LDLRAD4: variants seen among roughly 807,000 people sequenced by gnomAD.
LDLRAD4 encodes low-density lipoprotein receptor class A domain-containing protein 4.
A neutral mutation model predicts 17.0 loss-of-function variants in LDLRAD4; 5 were observed. The observed-to-expected ratio is 0.29, with a 90% CI of 0.15 to 0.62. The LOEUF is 0.62. Ranked by LOEUF, LDLRAD4 falls within the 20% of genes least tolerant of loss-of-function variation. The pLI is 0.84. For missense variants in LDLRAD4, 340 were observed against 424.7 expected (o/e 0.80, Z 1.75); for synonymous variants, 168 against 171.8 (o/e 0.98, Z 0.17).
rs143189280 is a variant in LDLRAD4, at chr18:13,439,254, A to G, written c.181+870A>G. ...GTTATGGAAATTAGACTACATAAAT[A>G]CCAGTGCTGCAAATGTGAAAATGGG... is the stretch of plus-strand genomic sequence containing the variant. On this transcript the variant is annotated intron_variant, in intron 3 of 5. Coordinates refer to ENST00000359446, the Ensembl canonical transcript of LDLRAD4. Among the ~76,000 whole-genome samples, 56 of 152,360 alleles carry G rather than the reference A, an allele frequency of 3.7e-4. No homozygotes were observed. In the East Asian group the frequency reaches 9.4e-3, roughly 26 times the overall value.
intron 3 of LDLRAD4, among the ~76,000 whole-genome samples, chr18:13,617,255 C>T (rs1295100148): frequency 6.6e-6 from 1 of 152,168 alleles, no homozygotes; most frequent in East Asian, 1.9e-4. Flanking sequence ...GAGAGTAATT[C>T]CATGCACTGT....
At chr18:13,539,993 C>A (rs1285519572) in intron 3 of LDLRAD4, among the ~76,000 whole-genome samples, 1 of 152,154 alleles carries the variant, frequency 6.6e-6, no homozygotes, top group Non-Finnish European at 1.5e-5. Flanking sequence ...GTCCTGTAGG[C>A]CCTGACACCC....
intron 3 of LDLRAD4, among the ~76,000 whole-genome samples, chr18:13,494,457 A>G (rs2093418821): frequency 6.6e-6 from 1 of 151,558 alleles, no homozygotes; most frequent in Admixed American, 6.6e-5. Context: ...TCTGAGTTTC[A>G]TAAAACAAGT....
intron 3 of LDLRAD4, among the ~76,000 whole-genome samples, chr18:13,529,252 G>C (rs1021618948): frequency 6.6e-6 from 1 of 152,202 alleles, no homozygotes; most frequent in African/African-American, 2.4e-5. Flanking sequence ...GTACCATAGT[G>C]GTGACCTTTC....
At chr18:13,416,890 T>C (rs71353266) in intron 2 of LDLRAD4, among the ~76,000 whole-genome samples, 1 of 152,242 alleles carries the variant, frequency 6.6e-6, no homozygotes, top group Non-Finnish European at 1.5e-5. Flanking sequence ...CTATTCTTGG[T>C]GCTTTCTATT....
At chr18:13,610,515 G>C (rs2148707709) in intron 3 of LDLRAD4, among the ~76,000 whole-genome samples, 1 of 151,972 alleles carries the variant, frequency 6.6e-6, no homozygotes, top group South Asian at 2.1e-4. Flanking sequence ...TTGAACTCCT[G>C]ACCTCAGGTG....
At chr18:13,245,790 C>A (rs929112439) in intron 1 of LDLRAD4, among the ~76,000 whole-genome samples, 1 of 152,196 alleles carries the variant, frequency 6.6e-6, no homozygotes, top group African/African-American at 2.4e-5. Context: ...AGCTCTGCCA[C>A]CTGGTGTGCA....
At chr18:13,307,333 G>C (rs758779245) in intron 1 of LDLRAD4, among the ~76,000 whole-genome samples, 2 of 152,024 alleles carry the variant, frequency 1.3e-5, no homozygotes, top group Non-Finnish European at 2.9e-5. Flanking sequence ...TGAAGATAAC[G>C]AGAATGAAGA....
chr18:13,446,069 A>G (rs1001023291), intron 3 of LDLRAD4, among the ~76,000 whole-genome samples: 2 of 152,224 alleles, frequency 1.3e-5, no homozygotes, highest in African/African-American at 4.8e-5. Context: ...AGCATCATCT[A>G]TTGGAGGGTC....
In LDLRAD4 at chr18:13,528,352, G is replaced by A. The variant is rs185781646; in HGVS notation, c.181+89968G>A. Among the ~76,000 whole-genome samples the A allele has an allele frequency of 5.3e-5, 8 of 152,222 alleles. No homozygotes were observed. The East Asian group carries it at 9.6e-4, about 18-fold the overall frequency. ...TTTTGAGATGGAGTCTTGCTCTGTCGCCCAGGCTGTAGTGCAGTGGTGCCA... is the reference window on the plus strand; with the variant it reads ...TTTTGAGATGGAGTCTTGCTCTGTCACCCAGGCTGTAGTGCAGTGGTGCCA... On this transcript the variant is annotated intron_variant, in intron 3 of 5. Transcript: ENST00000359446.
chr18:13,554,460 T>C (rs1331899821), intron 3 of LDLRAD4, among the ~76,000 whole-genome samples: 1 of 152,128 alleles, frequency 6.6e-6, no homozygotes, highest in Non-Finnish European at 1.5e-5. Context: ...GCCTTTTCTG[T>C]TAATATTTTT....
At chr18:13,339,520 G>A (rs1322220381) in intron 1 of LDLRAD4, among the ~76,000 whole-genome samples, 1 of 152,112 alleles carries the variant, frequency 6.6e-6, no homozygotes, top group Non-Finnish European at 1.5e-5. Context: ...CTTAAGCTTT[G>A]TGTCCTTTTC....
At chr18:13,272,475 AT>A (rs953350902) in intron 1 of LDLRAD4, among the ~76,000 whole-genome samples, 1 of 152,160 alleles carries the variant, frequency 6.6e-6, no homozygotes, top group African/African-American at 2.4e-5. Flanking sequence ...TTTCATTTCT[AT>A]TTGGGGAGAA....
At chr18:13,626,665 G>A (rs542468989) in intron 4 of LDLRAD4, among the ~76,000 whole-genome samples, 64 of 152,324 alleles carry the variant, frequency 4.2e-4, no homozygotes, top group Non-Finnish European at 6.8e-4. Context: ...GGATTAAATC[G>A]ATTGTGAAAA....
intron 1 of LDLRAD4, among the ~76,000 whole-genome samples, chr18:13,339,391 C>T (rs2082260289): frequency 6.6e-6 from 1 of 151,908 alleles, no homozygotes; most frequent in South Asian, 2.1e-4. Flanking sequence ...TTAGTAGAGA[C>T]AGGGTTTCAC....
At chr18:13,231,970 G>A (rs1235110715) in intron 1 of LDLRAD4, among the ~76,000 whole-genome samples, 3 of 152,224 alleles carry the variant, frequency 2.0e-5, no homozygotes, top group Non-Finnish European at 4.4e-5. Context: ...ATTGGTCCCA[G>A]GGATGGCAGC....
At chr18:13,362,793 G>C (rs1199149426) in intron 1 of LDLRAD4, among the ~76,000 whole-genome samples, 1 of 152,208 alleles carries the variant, frequency 6.6e-6, no homozygotes, top group Non-Finnish European at 1.5e-5. Context: ...GGATCCTTCT[G>C]ACTCTATGAA....
intron 1 of LDLRAD4, among the ~76,000 whole-genome samples, chr18:13,356,341 A>C (rs1010113846): frequency 6.6e-6 from 1 of 152,230 alleles, no homozygotes; most frequent in African/African-American, 2.4e-5. Flanking sequence ...CACTGCCACC[A>C]CACCAAGTGT....
At chr18:13,532,197 C>T (rs563794879) in intron 3 of LDLRAD4, among the ~76,000 whole-genome samples, 9 of 152,264 alleles carry the variant, frequency 5.9e-5, no homozygotes, top group African/African-American at 9.6e-5. Context: ...GCCGTGCATG[C>T]GGTGGACGGC....
Sources: allele counts gnomAD v4.1 joint callset (sites outside exome capture counted in the v4.1 genomes callset), GRCh38; gene constraint gnomAD v4.1.1; transcripts MANE v1.5; gene names NCBI Gene and HGNC (gene_info 2026-07-23, HGNC 2026-07-21).